The following IRAG2 variants were observed in gnomAD, a reference collection of about 807,000 sequenced individuals.
The protein encoded by IRAG2 is lymphoid restricted membrane protein.
In IRAG2, 45 loss-of-function variants were observed where a neutral mutation model predicts 69.9. That is an observed-to-expected ratio of 0.64 (90% CI 0.51 to 0.83). The LOEUF (loss-of-function observed/expected upper bound fraction) is 0.83, where lower values mean the gene tolerates loss of function less well. Among genes scored for constraint, IRAG2 ranks in the 40% least tolerant of loss-of-function variants. IRAG2 has a pLI of 0.00. For synonymous variants in IRAG2, 193 were observed against 202.4 expected, an observed-to-expected ratio of 0.95 and a Z score of 0.40; for missense variants, 520 against 587.0, an observed-to-expected ratio of 0.89 and a Z score of 1.18.
At chr12:25,089,261 A>T (rs1308491947) in intron 11 of IRAG2, among the ~76,000 whole-genome samples, 10 of 152,216 alleles carry the variant, frequency 6.6e-5, no homozygotes, top group Non-Finnish European at 2.9e-5. Flanking sequence ...TAAAGCCTTG[A>T]TCCAAAGAAG....
intron 9 of IRAG2, among the ~76,000 whole-genome samples, chr12:25,027,670 G>C (rs1171086303): frequency 6.6e-6 from 1 of 151,826 alleles, no homozygotes; most frequent in Non-Finnish European, 1.5e-5. Context: ...CTGGGATCAC[G>C]GGCATGAGCC....
rs1334923098 is a variant in IRAG2, at chr12:25,108,310, G to GAAAT, written c.*254_*257dup. ...TATATATTGTTTGTTAAAGTTTATT[G>GAAAT]AAATAAAGAATCATTTAAATCTTCA... is the stretch of plus-strand genomic sequence containing the variant. On this transcript the variant is annotated 3_prime_UTR_variant, in exon 22 of 22. Coordinates refer to ENST00000556887, the MANE Select transcript of IRAG2 (RefSeq NM_001366544.2). 2 of 541,312 alleles carry GAAAT rather than the reference G, an allele frequency of 3.7e-6. No individual in the cohort carries two copies. The highest frequency in any genetic ancestry group is 1.9e-5 in the African/African-American group (1 of 52,324). The allele number at this position is 541,312 out of a possible 1,614,324, so 33.5% of individuals were successfully genotyped here.
chr12:25,085,834 A>G (rs1180660979), intron 10 of IRAG2, among the ~76,000 whole-genome samples: 1 of 145,032 alleles, frequency 6.9e-6, no homozygotes, highest in African/African-American at 2.9e-5. Context: ...AATAGTTATA[A>G]TGACAAGAAA....
chr12:25,105,310 T>A (rs1948998949), intron 20 of IRAG2, among the ~76,000 whole-genome samples: 1 of 152,036 alleles, frequency 6.6e-6, no homozygotes, highest in Non-Finnish European at 1.5e-5. Context: ...TCTCCTGACC[T>A]CGTGATCCGC....
rs192286136 is a variant in IRAG2 at position 25,089,886 on chromosome 12, G to A, written c.465+96G>A. ...TTTTGGCACAAGCTCTCATATGCTC[G>A]GTGTCTGTTTGGCTTGGCTGTGACT... is the stretch of plus-strand genomic sequence containing the variant. On this transcript the variant is annotated intron_variant, in intron 13 of 21. Coordinates refer to ENST00000556887, the MANE Select transcript of IRAG2 (RefSeq NM_001366544.2). The A allele has an allele frequency of 8.8e-5, 120 of 1,368,466 alleles. No homozygotes were observed. The East Asian group carries it at 1.8e-3, about 20-fold the overall frequency. The allele number at this position is 1,368,466 out of a possible 1,614,324, so 84.8% of individuals were successfully genotyped here.
upstream of IRAG2, among the ~76,000 whole-genome samples, chr12:25,000,454 A>G (rs956977904): frequency 1.5e-4 from 23 of 152,208 alleles, no homozygotes; most frequent in African/African-American, 4.1e-4. Context: ...TCAAAAAAAA[A>G]TGTATTTTAA....
At chr12:25,045,812 C>T (rs990128771) in intron 16 of IRAG2, among the ~76,000 whole-genome samples, 3 of 143,132 alleles carry the variant, frequency 2.1e-5, no homozygotes, top group Admixed American at 7.1e-5. Flanking sequence ...AGAAGATTAA[C>T]GCTAATCCTT....
rs376413580 is a variant in IRAG2, at chr12:25,041,594, C to T, written c.2144+3457C>T. Among the ~76,000 whole-genome samples, 28 of 151,806 alleles carry T rather than the reference C, an allele frequency of 1.8e-4. No homozygotes were observed. The East Asian group carries it at 2.1e-3, about 12-fold the overall frequency. On this transcript the variant is annotated intron_variant, in intron 16 of 38. Transcript: ENST00000636465. ...CCTCCCGGGTTCAACCTCCACCTCC[C>T]GAGTTCAAGTGATTCTCTTGCCTCA...
In IRAG2 at chr12:25,029,941, T is replaced by C. The variant is rs189281791; in HGVS notation, c.1462-337T>C. Among the ~76,000 whole-genome samples, 459 of 152,298 alleles carry C rather than the reference T, an allele frequency of 3.0e-3. 14 individuals carry two copies. Among genetic ancestry groups the C allele is most frequent in the Non-Finnish European group, 9.3e-4 (63 of 68,028 alleles). ...AGACTTTTTATTTTCACCAAAAAAG[T>C]GAAGATTCTGAACATTCCCTTATTA... On this transcript the variant is annotated intron_variant, in intron 9 of 38. Transcript: ENST00000636465.
chr12:25,007,881 A>G (rs1944445034), intron 2 of IRAG2, among the ~76,000 whole-genome samples: 1 of 152,164 alleles, frequency 6.6e-6, no homozygotes. Flanking sequence ...ATCTGTAGGA[A>G]CACAAGCTGT....
upstream of IRAG2, chr12:25,004,285 A>T (rs138738356): frequency 2.7e-6 from 3 of 1,117,538 alleles, no homozygotes; most frequent in Non-Finnish European, 3.4e-6. Flanking sequence ...TTAAACATGT[A>T]TCTACTTTTG....
chr12:25,050,373 C>A (rs1944835536), upstream of IRAG2, among the ~76,000 whole-genome samples: 1 of 150,764 alleles, frequency 6.6e-6, no homozygotes, highest in African/African-American at 2.4e-5. Context: ...TACTAAAATA[C>A]AAAAAATTAG....
At chr12:25,002,699 T>C (rs1944401117), upstream of IRAG2, among the ~76,000 whole-genome samples, 1 of 151,752 alleles carries the variant, frequency 6.6e-6, no homozygotes, top group Admixed American at 6.6e-5. Flanking sequence ...TAGAGTGCCG[T>C]AGCATGATCT....
intron 17 of IRAG2, 37 bp from the exon 18 acceptor site, chr12:25,103,800 A>C (rs747159307): frequency 4.2e-6 from 6 of 1,439,756 alleles, no homozygotes; most frequent in Non-Finnish European, 5.9e-6. Flanking sequence ...TAAATTATTG[A>C]GAGTTTTCTA....
At position 25,102,180 on chromosome 12, in the gene IRAG2, ATG is replaced by A. The variant is rs776965647; in HGVS notation, c.890-14_890-13del. The A allele has an allele frequency of 1.2e-6, 2 of 1,609,550 alleles. No individual in the cohort carries two copies. The highest frequency in any genetic ancestry group is 1.7e-6 in the Non-Finnish European group (2 of 1,176,318). ...CATGTGTAATAGCTAAAATGTGTCA[ATG>A]TGTTTTTCCTTTCAGATGACTGCCA... On this transcript the variant is annotated splice_polypyrimidine_tract_variant and intron_variant, in intron 16 of 21. Transcript: ENST00000556887.
At position 25,069,505 on chromosome 12, in the gene IRAG2, T is replaced by C. The variant is rs1946188476; in HGVS notation, c.24+74T>C. On this transcript the variant is annotated intron_variant, in intron 6 of 21. Transcript: ENST00000556887. ...TGTTCTTCTTCTATGGGTATTCTTT[T>C]TCCCTGTCTTTTTTATTTTTTAAGT... The C allele has an allele frequency of 2.3e-6, 3 of 1,301,508 alleles. No homozygotes were observed. In the East Asian group the frequency reaches 6.9e-5, roughly 30 times the overall value. 80.6% of individuals were successfully genotyped at this position (1,301,508 alleles called of 1,614,324 possible). A position where few individuals can be genotyped will look rare whatever the true frequency, so the allele number is the denominator to read the frequency against.
At chr12:25,038,252 C>CT (rs1944717451) in intron 16 of IRAG2, 1 of 395,042 alleles carries the variant, frequency 2.5e-6, no homozygotes, top group Non-Finnish European at 4.5e-6. Context: ...TCAGATGATA[C>CT]TTTTTTCAGA....
intron 9 of IRAG2, chr12:25,030,210 A>G: frequency 9.7e-7 from 1 of 1,035,354 alleles, no homozygotes; most frequent in African/African-American, 1.7e-5. Context: ...TACTGGAATG[A>G]TTTTATGGCA....
At chr12:25,070,970 G>C (rs1207998180) in intron 6 of IRAG2, among the ~76,000 whole-genome samples, 1 of 152,096 alleles carries the variant, frequency 6.6e-6, no homozygotes, top group Admixed American at 6.6e-5. Context: ...TCATTTTAAA[G>C]ATGGGATTAT....
Sources: allele counts gnomAD v4.1 joint callset (sites outside exome capture counted in the v4.1 genomes callset), GRCh38; gene constraint gnomAD v4.1.1; transcripts MANE v1.5; gene names NCBI Gene and HGNC (gene_info 2026-07-23, HGNC 2026-07-21).